Variants in DLGAP2 observed in about 807,000 individuals in gnomAD.
The protein encoded by DLGAP2 is disks large-associated protein 2.
A neutral mutation model predicts 100.3 loss-of-function variants in DLGAP2; 26 were observed. That is an observed-to-expected ratio of 0.26 (90% CI 0.19 to 0.36). The LOEUF is 0.36. Ranked by LOEUF, DLGAP2 falls within the 10% of genes least tolerant of loss-of-function variation. DLGAP2 has a pLI of 1.00. For synonymous variants in DLGAP2, 886 were observed against 630.1 expected (o/e 1.41, Z -6.08); for missense variants, 1,858 against 1,453.2 (o/e 1.28, Z -4.53).
intron 1 of DLGAP2, among the ~76,000 whole-genome samples, chr8:842,888 A>T (rs10098881): frequency 0.24 from 37,163 of 151,942 alleles, 4,869 homozygotes; most frequent in Non-Finnish European, 0.3. Flanking sequence ...AGTTTTTCTA[A>T]TTCTGATTTA....
At chr8:1,416,220 G>T (rs957881087) in intron 3 of DLGAP2, among the ~76,000 whole-genome samples, 1 of 152,118 alleles carries the variant, frequency 6.6e-6, no homozygotes, top group Non-Finnish European at 1.5e-5. Context: ...ACAGAGTGGC[G>T]ACCAGATGAT....
At chr8:1,259,245 G>A (rs916826607) in intron 3 of DLGAP2, among the ~76,000 whole-genome samples, 6 of 152,308 alleles carry the variant, frequency 3.9e-5, no homozygotes, top group South Asian at 4.1e-4. Context: ...AGGCTGAGTC[G>A]GATCTGGGAA....
Position 872,739 on chromosome 8 carries a change from A to G in DLGAP2, c.19-35173A>G, listed in dbSNP as rs116223562. Among the ~76,000 whole-genome samples, 521 of 152,328 alleles carry G rather than the reference A, an allele frequency of 3.4e-3. 1 individual carries two copies. The highest frequency in any genetic ancestry group is 0.012 in the African/African-American group (489 of 41,570). On this transcript the variant is annotated intron_variant, in intron 1 of 14. Transcript: ENST00000637795. ...GCTTTTATTATATTCAAAGAGGTACATGCAACTATCACCACAGTCAATTTC... is the reference window on the plus strand; with the variant it reads ...GCTTTTATTATATTCAAAGAGGTACGTGCAACTATCACCACAGTCAATTTC...
intron 2 of DLGAP2, among the ~76,000 whole-genome samples, chr8:1,180,056 G>T (rs1356337163): frequency 6.6e-6 from 1 of 152,190 alleles, no homozygotes; most frequent in Non-Finnish European, 1.5e-5. Flanking sequence ...CACTGGCAAA[G>T]AATTGTTGAA....
chr8:1,416,181 C>T (rs1024945799), intron 3 of DLGAP2, among the ~76,000 whole-genome samples: 3 of 152,156 alleles, frequency 2.0e-5, no homozygotes, highest in Non-Finnish European at 2.9e-5. Flanking sequence ...CATCCTGTCC[C>T]CAGACGATGC....
chr8:1,265,448 G>A (rs1799431514), intron 3 of DLGAP2, among the ~76,000 whole-genome samples: 1 of 152,166 alleles, frequency 6.6e-6, no homozygotes, highest in South Asian at 2.1e-4. Flanking sequence ...GAAGAATCAA[G>A]TTGCGTGGAA....
At chr8:1,470,573 C>T (rs1207977936) in intron 3 of DLGAP2, among the ~76,000 whole-genome samples, 3 of 152,176 alleles carry the variant, frequency 2.0e-5, no homozygotes, top group African/African-American at 7.2e-5. Flanking sequence ...ATTCTATTCT[C>T]TCTTAAATAT....
intron 2 of DLGAP2, among the ~76,000 whole-genome samples, chr8:1,053,155 G>A (rs1320189953): frequency 6.6e-6 from 1 of 152,168 alleles, no homozygotes; most frequent in African/African-American, 2.4e-5. Flanking sequence ...GTAATTTTGG[G>A]TTATTTAAAA....
At chr8:1,620,078 A>G (rs1797278238) in intron 6 of DLGAP2, among the ~76,000 whole-genome samples, 1 of 152,168 alleles carries the variant, frequency 6.6e-6, no homozygotes. Context: ...AGCCTTTCTC[A>G]AATCGCCTGT....
At chr8:1,192,824 C>T (rs1303392081) in intron 2 of DLGAP2, among the ~76,000 whole-genome samples, 1 of 151,654 alleles carries the variant, frequency 6.6e-6, no homozygotes, top group Non-Finnish European at 1.5e-5. Flanking sequence ...CCTCCCCACT[C>T]CCCCCACCCC....
intron 3 of DLGAP2, among the ~76,000 whole-genome samples, chr8:1,316,841 G>C (rs1800765099): frequency 1.4e-5 from 2 of 145,656 alleles, no homozygotes; most frequent in South Asian, 4.4e-4. Flanking sequence ...TGCGAGTGCA[G>C]CGTCTCTCCC....
At chr8:1,012,538 C>CCT (rs1318025951) in intron 2 of DLGAP2, among the ~76,000 whole-genome samples, 1 of 132,514 alleles carries the variant, frequency 7.5e-6, no homozygotes, top group Non-Finnish European at 1.6e-5. Flanking sequence ...CCAGCCCCCC[C>CCT]ACTTCAGCGG....
At chr8:788,462 C>G (rs544848385) in intron 1 of DLGAP2, among the ~76,000 whole-genome samples, 17 of 152,332 alleles carry the variant, frequency 1.1e-4, no homozygotes, top group African/African-American at 3.8e-4. Context: ...CAGCAGAAGC[C>G]TCAGCCTTTG....
chr8:1,453,343 A>T (rs1798215282), intron 3 of DLGAP2, among the ~76,000 whole-genome samples: 1 of 152,108 alleles, frequency 6.6e-6, no homozygotes, highest in Non-Finnish European at 1.5e-5. Flanking sequence ...CCTTCATCAT[A>T]TTTATCTTCT....
chr8:1,486,990 C>A (rs541762877), intron 3 of DLGAP2, among the ~76,000 whole-genome samples: 1 of 152,196 alleles, frequency 6.6e-6, no homozygotes, highest in Admixed American at 6.5e-5. Flanking sequence ...CTGCCACAGC[C>A]TGGCACAGTC....
intron 2 of DLGAP2, among the ~76,000 whole-genome samples, chr8:1,009,569 G>C (rs149149542): frequency 1.3e-5 from 2 of 152,210 alleles, no homozygotes; most frequent in African/African-American, 4.8e-5. Flanking sequence ...AGCTCACACT[G>C]TTCATAGTGG....
In DLGAP2 at chr8:880,049, C is replaced by G. The variant is rs925597471; in HGVS notation, c.19-27863C>G. Among the ~76,000 whole-genome samples the G allele has an allele frequency of 2.0e-5, 3 of 152,168 alleles. No individual in the cohort carries two copies. The East Asian group carries it at 5.8e-4, about 29-fold the overall frequency. ...TGTAGAGGTCTTCAGGAAATTCTGT[C>G]CTGGCCTTCTTGTCCTGCTGCTTCC... On this transcript the variant is annotated intron_variant, in intron 1 of 14. Coordinates refer to ENST00000637795, the MANE Select transcript of DLGAP2 (RefSeq NM_001346810.2).
At chr8:1,447,539 A>G (rs1798015241) in intron 3 of DLGAP2, among the ~76,000 whole-genome samples, 1 of 152,208 alleles carries the variant, frequency 6.6e-6, no homozygotes, top group African/African-American at 2.4e-5. Context: ...ATATTGGTGT[A>G]AAATTCTCTT....
rs138814886 is a variant in DLGAP2 at position 1,464,384 on chromosome 8, CCCTTCCGGAATGGCAT to C, written c.107-36975_107-36960del. On this transcript the variant is annotated intron_variant, in intron 3 of 14. Coordinates refer to ENST00000637795, the MANE Select transcript of DLGAP2 (RefSeq NM_001346810.2). ...AGGACAACGCCCTTCCAGGATGGCA[CCCTTCCGGAATGGCAT>C]CCTTCCAGGACAGCTCCCTTTCAGG... is the stretch of plus-strand genomic sequence containing the variant. Among the ~76,000 whole-genome samples the C allele has an allele frequency of 8.1e-3, 289 of 35,544 alleles. 72 individuals carry two copies. Among genetic ancestry groups the C allele is most frequent in the East Asian group, 0.059 (13 of 222 alleles). The allele number at this position is 35,544 out of a possible 152,430, so 23.3% of individuals were successfully genotyped here. A position where few individuals can be genotyped will look rare whatever the true frequency, so the allele number is the denominator to read the frequency against.
Sources: gnomAD v4.1 joint callset for allele counts (sites outside exome capture counted in the v4.1 genomes callset) on GRCh38, gnomAD v4.1.1 for gene constraint, MANE v1.5 for transcripts, NCBI Gene and HGNC (gene_info 2026-07-23, HGNC 2026-07-21) for gene names.